COL17A1: variants seen among roughly 807,000 people sequenced by gnomAD.
The protein encoded by COL17A1 is collagen type XVII alpha 1 chain.
A neutral mutation model predicts 218.4 loss-of-function variants in COL17A1; 181 were observed. That is an observed-to-expected ratio of 0.83 (90% CI 0.73 to 0.94). The LOEUF is 0.94. COL17A1 is among the 40% of genes least tolerant of loss of function. COL17A1 has a pLI of 0.00. For missense variants in COL17A1, 1,924 were observed against 1,945.9 expected (o/e 0.99, Z 0.21); for synonymous variants, 721 against 731.0 (o/e 0.99, Z 0.22).
Position 104,039,991 on chromosome 10 carries a change from C to T in COL17A1, c.2770G>A (p.Gly924Ser). ...PGPKGDQGPP[G>S]PRGHQGEQGL... Reference sequence around the variant, plus strand: ...ACTGTACCTTGGTGTCCTCTGGGGCCTGGGGGACCTGAGGGAAAAAGGCAG... The same window carrying T: ...ACTGTACCTTGGTGTCCTCTGGGGCTTGGGGGACCTGAGGGAAAAAGGCAG... Residue 924 changes from glycine to serine, a missense_variant, in exon 41 of 56, where the codon GGC (glycine) becomes AGC (serine). Coordinates refer to ENST00000648076, the MANE Select transcript of COL17A1 (RefSeq NM_000494.4). The T allele has an allele frequency of 1.9e-6, 3 of 1,614,140 alleles. No individual in the cohort carries two copies. The highest frequency in any genetic ancestry group is 2.5e-6 in the Non-Finnish European group (3 of 1,180,032).
chr10:104,073,100 T>C, intron 7 of COL17A1, 110 bp downstream of exon 7: 1 of 998,582 alleles, frequency 1.0e-6, no homozygotes, highest in Non-Finnish European at 1.6e-6. Context: ...AAGCATGCCT[T>C]ATTTATTCTT....
intron 29 of COL17A1, among the ~76,000 whole-genome samples, chr10:104,048,803 T>C (rs2086438658): frequency 6.6e-6 from 1 of 152,084 alleles, no homozygotes; most frequent in Non-Finnish European, 1.5e-5. Context: ...GCTTAAACCC[T>C]TCTTGGGTTT....
At chr10:104,036,774 CA>C (rs1262752050) in intron 47 of COL17A1, 142 bp from the exon 48 acceptor site, 7 of 1,066,790 alleles carry the variant, frequency 6.6e-6, no homozygotes, top group East Asian at 2.6e-5. Context: ...CCACGGTGTT[CA>C]GGGGGGACAC....
chr10:104,047,659 G>A (rs999747773), intron 31 of COL17A1, 80 bp downstream of exon 31: 69 of 1,163,664 alleles, frequency 5.9e-5, no homozygotes, highest in Middle Eastern at 5.8e-4. Flanking sequence ...ACATGCACAC[G>A]CACACACATG....
At chr10:104,038,627 C>A (rs943489724) in intron 44 of COL17A1, 99 bp from the exon 45 acceptor site, 3 of 1,482,600 alleles carry the variant, frequency 2.0e-6, no homozygotes, top group Non-Finnish European at 2.8e-6. Context: ...GGAGGGTCTT[C>A]TCAGGAGGAG....
chr10:104,067,616 AAG>A (rs1317129046), intron 9 of COL17A1, among the ~76,000 whole-genome samples: 4 of 152,156 alleles, frequency 2.6e-5, no homozygotes, highest in Non-Finnish European at 4.4e-5. Flanking sequence ...CAGAGAGAGA[AAG>A]AGTTAAGCTG....
At chr10:104,073,992 T>C in intron 6 of COL17A1, 192 bp downstream of exon 6, 2 of 767,900 alleles carry the variant, frequency 2.6e-6, no homozygotes, top group Admixed American at 2.3e-5. Context: ...GACAGCAAGT[T>C]AATGTGGCTG....
Position 104,050,512 on chromosome 10 carries a change from A to T in COL17A1, c.2128+109T>A, listed in dbSNP as rs1052798643. ...ATCTGAGAGGTTGGATTAGAATGAG[A>T]TCTTGGTCCAGGTCCTGTGCACCCT... On this transcript the variant is annotated intron_variant, in intron 27 of 55. Transcript: ENST00000648076. 14 of 1,577,176 alleles carry T rather than the reference A, an allele frequency of 8.9e-6. No homozygotes were observed. The African/African-American group carries it at 1.9e-4, about 21-fold the overall frequency.
intron 1 of COL17A1, among the ~76,000 whole-genome samples, chr10:104,085,407 A>G (rs2086797834): frequency 6.6e-6 from 1 of 152,228 alleles, no homozygotes. Context: ...AGCCCGTATC[A>G]TATTCTAAAT....
chr10:104,035,657 TG>T (rs2086273317), intron 48 of COL17A1, 94 bp from the exon 49 acceptor site: 1 of 992,642 alleles, frequency 1.0e-6, no homozygotes, highest in Non-Finnish European at 1.5e-6. Flanking sequence ...TGGACAGAAG[TG>T]GGGTCCAAGA....
At chr10:104,050,269 T>A in intron 27 of COL17A1, 145 bp from the exon 28 acceptor site, 2 of 1,256,716 alleles carry the variant, frequency 1.6e-6, no homozygotes, top group Non-Finnish European at 2.2e-6. Flanking sequence ...GACACAGCAT[T>A]AATGCAGCCA....
intron 16 of COL17A1, among the ~76,000 whole-genome samples, 194 bp downstream of exon 16, chr10:104,057,952 G>A (rs984766746): frequency 7.9e-5 from 12 of 152,236 alleles, no homozygotes; most frequent in Middle Eastern, 3.4e-3. Flanking sequence ...CTCCTTCTGC[G>A]GCCACCTCTG....
intron 25 of COL17A1, 68 bp from the exon 26 acceptor site, chr10:104,050,969 C>T: frequency 6.8e-6 from 11 of 1,607,434 alleles, no homozygotes; most frequent in Non-Finnish European, 9.4e-6. Flanking sequence ...GACATGTATG[C>T]ACACACATGC....
chr10:104,050,822 T>TCC, intron 26 of COL17A1, 26 bp downstream of exon 26: 1 of 1,613,708 alleles, frequency 6.2e-7, no homozygotes, highest in Non-Finnish European at 8.5e-7. Context: ...ACCCTCACTG[T>TCC]CCCCCCAGGC....
Position 104,035,504 on chromosome 10 carries a change from A to T in COL17A1, c.3478T>A (p.Ser1160Thr), listed in dbSNP as rs886046685. ...PPGPPGLPGTSYEELLSLLRG... is the reference protein window; with the variant it reads ...PPGPPGLPGTTYEELLSLLRG... ...AGCAAGGAGAGGAGCTCCTCATAGG[A>T]GGTTCCCGGCAAGCCAGGGGGCCCC... Residue 1160 changes from serine to threonine, a missense_variant, in exon 49 of 56, where the codon TCC (serine) becomes ACC (threonine). Coordinates refer to ENST00000648076, the MANE Select transcript of COL17A1 (RefSeq NM_000494.4). 1.9e-6 allele frequency: 3 copies of T among 1,613,806 alleles called. No homozygotes were observed. Among genetic ancestry groups the T allele is most frequent in the East Asian group, 2.2e-5 (1 of 44,856 alleles).
intron 12 of COL17A1, among the ~76,000 whole-genome samples, chr10:104,061,996 A>G (rs1445164883): frequency 1.3e-5 from 2 of 152,154 alleles, no homozygotes; most frequent in Non-Finnish European, 2.9e-5. Context: ...AAGACCACCA[A>G]CCTAACCAGT....
intron 28 of COL17A1, 76 bp downstream of exon 28, chr10:104,050,013 A>AT (rs1158786643): frequency 3.1e-6 from 5 of 1,609,980 alleles, no homozygotes; most frequent in Non-Finnish European, 3.4e-6. Context: ...TTACTTCTGG[A>AT]TTTTTTCCAA....
Position 104,060,237 on chromosome 10 carries a change from G to A in COL17A1, c.1023C>T (p.Asp341=), listed in dbSNP as rs1220943906. Residue 341 remains aspartate (D), a synonymous_variant, in exon 14 of 56, where the codon GAC becomes GAT. Coordinates refer to ENST00000648076, the MANE Select transcript of COL17A1 (RefSeq NM_000494.4). ...SVQSDDLLHK[D]CKFLILEKDN... ...CTTTCTCTAGGATCAGGAACTTGCA[G>A]TCCTTGTGCAAAAGGTCATCGCTCT... 5.6e-6 allele frequency: 9 copies of A among 1,614,200 alleles called. No individual in the cohort carries two copies. The highest frequency in any genetic ancestry group is 5.5e-5 in the South Asian group (5 of 91,088).
At chr10:104,077,580 C>T in intron 3 of COL17A1, 54 bp from the exon 4 acceptor site, 1 of 1,424,272 alleles carries the variant, frequency 7.0e-7, no homozygotes, top group Non-Finnish European at 9.7e-7. Flanking sequence ...GCCAGAGGAT[C>T]CCCTGGTCCC....
Sources: gnomAD v4.1 joint callset for allele counts (sites outside exome capture counted in the v4.1 genomes callset) on GRCh38, gnomAD v4.1.1 for gene constraint, MANE v1.5 for transcripts, NCBI Gene and HGNC (gene_info 2026-07-23, HGNC 2026-07-21) for gene names.